The following SMPD4 variants were observed in gnomAD, a reference collection of about 807,000 sequenced individuals.
SMPD4 encodes neutral sphingomyelinase 3.
In SMPD4, 58 loss-of-function variants were observed where a neutral mutation model predicts 97.8. The observed-to-expected ratio is 0.59, with a 90% CI of 0.48 to 0.74. SMPD4 has a LOEUF of 0.74. SMPD4 is among the 30% of genes least tolerant of loss of function. The pLI, the probability that SMPD4 is intolerant of heterozygous loss-of-function variation, is 0.00. For missense variants in SMPD4, 853 were observed against 1,080.5 expected (o/e 0.79, Z 2.95); for synonymous variants, 388 against 450.0 (o/e 0.86, Z 1.74).
At chr2:130,181,630 G>C, upstream of SMPD4, 1 of 1,572,958 alleles carries the variant, frequency 6.4e-7, no homozygotes, top group African/African-American at 1.3e-5. Flanking sequence ...ACGCCCCGCG[G>C]CCGGGCGGGA....
At chr2:130,171,147 T>TG (rs1688426196) in intron 8 of SMPD4, among the ~76,000 whole-genome samples, 1 of 134,436 alleles carries the variant, frequency 7.4e-6, no homozygotes, top group Non-Finnish European at 1.6e-5. Context: ...TTTTTTTTTT[T>TG]GTGTGTGTGT....
At position 130,154,707 on chromosome 2, in the gene SMPD4, G is replaced by A. The variant is rs950751980; in HGVS notation, c.1454-225C>T. Reference sequence around the variant, plus strand: ...GAGCCCCTAGCAGTGTCTGCAGGAGGTAAACAACAGGAGGATCGACAGAAA... The same window carrying A: ...GAGCCCCTAGCAGTGTCTGCAGGAGATAAACAACAGGAGGATCGACAGAAA... On this transcript the variant is annotated intron_variant, in intron 15 of 19. Coordinates refer to ENST00000680298, the MANE Select transcript of SMPD4 (RefSeq NM_017951.5). 1.5e-5 allele frequency: 9 copies of A among 604,158 alleles called. No individual in the cohort carries two copies. In the Admixed American group the frequency reaches 1.9e-4, roughly 13 times the overall value. 37.4% of individuals were successfully genotyped at this position (604,158 alleles called of 1,614,324 possible). A position where few individuals can be genotyped will look rare whatever the true frequency, so the allele number is the denominator to read the frequency against.
Position 130,152,980 on chromosome 2 carries a change from C to T in SMPD4, c.2154+63G>A, listed in dbSNP as rs376833804. On this transcript the variant is annotated intron_variant, in intron 19 of 19. Transcript: ENST00000680298. ...CCTCACAGGCCACCCCAGGACTGCA[C>T]CCCAGGCAGGAGCATCTAGAACCCT... 6.2e-5 allele frequency: 98 copies of T among 1,569,366 alleles called. 1 individual carries two copies. The East Asian group carries it at 7.2e-4, about 12-fold the overall frequency.
chr2:130,178,202 T>C (rs1277063065), intron 1 of SMPD4, among the ~76,000 whole-genome samples: 1 of 152,140 alleles, frequency 6.6e-6, no homozygotes, highest in Admixed American at 6.5e-5. Flanking sequence ...AATAAATGGA[T>C]GCCGGTTTAA....
At chr2:130,170,151 G>C (rs1052136671) in intron 8 of SMPD4, among the ~76,000 whole-genome samples, 1 of 152,138 alleles carries the variant, frequency 6.6e-6, no homozygotes, top group African/African-American at 2.4e-5. Flanking sequence ...TTATGACACT[G>C]CACTCCAGCC....
At position 130,161,401 on chromosome 2, in the gene SMPD4, C is replaced by T. The variant is rs574117206; in HGVS notation, c.865-129G>A. 1.8e-5 allele frequency: 13 copies of T among 726,900 alleles called. No homozygotes were observed. The South Asian group carries it at 1.8e-4, about 10-fold the overall frequency. 45.0% of individuals were successfully genotyped at this position (726,900 alleles called of 1,614,324 possible). A position where few individuals can be genotyped will look rare whatever the true frequency, so the allele number is the denominator to read the frequency against. On this transcript the variant is annotated intron_variant, in intron 10 of 19. Transcript: ENST00000680298. ...GGAGAGAGAAAGAAAGCAATGAGAACGAGCCCAGGAGTGAGGAGAAAAAAA... is the reference window on the plus strand; with the variant it reads ...GGAGAGAGAAAGAAAGCAATGAGAATGAGCCCAGGAGTGAGGAGAAAAAAA...
intron 8 of SMPD4, among the ~76,000 whole-genome samples, chr2:130,172,001 C>G (rs746466368): frequency 6.6e-6 from 1 of 152,196 alleles, no homozygotes; most frequent in Non-Finnish European, 1.5e-5. Context: ...CATAGAGATT[C>G]CTATTTTTTT....
At chr2:130,160,547 C>T (rs1257938121) in intron 11 of SMPD4, among the ~76,000 whole-genome samples, 14 of 152,232 alleles carry the variant, frequency 9.2e-5, no homozygotes, top group African/African-American at 3.4e-4. Context: ...TCTATGAGGT[C>T]ACCACCCACT....
At chr2:130,155,070 C>T (rs370871926) in intron 15 of SMPD4, 26 bp downstream of exon 15, 25 of 1,612,706 alleles carry the variant, frequency 1.6e-5, no homozygotes, top group African/African-American at 5.3e-5. Context: ...TGACGTATAC[C>T]GGGCTGGCCC....
chr2:130,152,949 CCCCACCCTCACAG>C, intron 19 of SMPD4, 65 bp from the exon 20 acceptor site: 1 of 1,554,532 alleles, frequency 6.4e-7, no homozygotes, highest in Non-Finnish European at 8.7e-7. Flanking sequence ...GACAGCAGTA[CCCCACCCTCACAG>C]GCCACCCCAG....
chr2:130,178,172 T>C lies in SMPD4; in HGVS notation c.-45-1535A>G, dbSNP rs1476950300. On this transcript the variant is annotated intron_variant, in intron 1 of 19. Coordinates refer to ENST00000680298, the MANE Select transcript of SMPD4 (RefSeq NM_017951.5). ...TTTAATCTTGTAATGCCTGGACTTCTGCATACATAACTATGAGATAATAAA... is the reference window on the plus strand; with the variant it reads ...TTTAATCTTGTAATGCCTGGACTTCCGCATACATAACTATGAGATAATAAA... 1.1e-4 allele frequency among the ~76,000 whole-genome samples: 12 copies of C among 110,434 alleles called. No individual in the cohort carries two copies. In the South Asian group the frequency reaches 3.2e-3, roughly 30 times the overall value. The allele number at this position is 110,434 out of a possible 152,430, so 72.4% of individuals were successfully genotyped here. A position where few individuals can be genotyped will look rare whatever the true frequency, so the allele number is the denominator to read the frequency against.
rs1270655048 is a variant in SMPD4 at position 130,172,375 on chromosome 2, C to T, written c.633G>A (p.Gly211=). ...TGGGAGGTGGTGAGGGGCTGGTCCC[C>T]CCTGGGCTGGAGGAGAGTGGTGGGG... ...SVPPPLSSSP[G]GTSPSPPPRT... Residue 211 remains glycine (G), a synonymous_variant, in exon 8 of 20, where the codon GGG becomes GGA. Transcript: ENST00000680298. 1.2e-6 allele frequency: 2 copies of T among 1,605,854 alleles called. No individual in the cohort carries two copies. The highest frequency in any genetic ancestry group is 2.2e-5 in the East Asian group (1 of 44,808).
rs759845754 is a variant in SMPD4 at position 130,173,496 on chromosome 2, G to A, written c.269+18C>T. The A allele has an allele frequency of 1.7e-5, 27 of 1,590,542 alleles. No homozygotes were observed. Among genetic ancestry groups the A allele is most frequent in the African/African-American group, 5.4e-5 (4 of 74,470 alleles). On this transcript the variant is annotated intron_variant, in intron 4 of 19. Transcript: ENST00000680298. ...ATGAGGAATCACCCAGCCTCTCTCC[G>A]GTGACCAACCTACCTACCCAGGGTC...
At chr2:130,156,869 A>C in intron 12 of SMPD4, 194 bp from the exon 13 acceptor site, 1 of 1,482,750 alleles carries the variant, frequency 6.7e-7, no homozygotes. Flanking sequence ...AAGGACACAC[A>C]GCACGCAGGC....
chr2:130,179,827 G>C, intron 1 of SMPD4, among the ~76,000 whole-genome samples: 1 of 151,058 alleles, frequency 6.6e-6, no homozygotes, highest in Non-Finnish European at 1.5e-5. Flanking sequence ...GTTAATTTTT[G>C]TATTTTTAGT....
At chr2:130,161,362 C>G in intron 10 of SMPD4, 90 bp from the exon 11 acceptor site, 1 of 984,316 alleles carries the variant, frequency 1.0e-6, no homozygotes, top group Non-Finnish European at 1.6e-6. Flanking sequence ...GGACCAGACA[C>G]GGGAGGGGGA....
intron 1 of SMPD4, among the ~76,000 whole-genome samples, chr2:130,178,369 G>A (rs1689168206): frequency 6.6e-6 from 1 of 152,170 alleles, no homozygotes; most frequent in Non-Finnish European, 1.5e-5. Flanking sequence ...GCAGAACCAA[G>A]ATTCCAATAC....
chr2:130,173,478 A>C (rs1688670307), intron 4 of SMPD4, 36 bp downstream of exon 4: 12 of 1,586,924 alleles, frequency 7.6e-6, no homozygotes, highest in Non-Finnish European at 1.0e-5. Context: ...ACCATGAGGA[A>C]TCACCCAGCC....
In SMPD4 at chr2:130,152,840, G is replaced by A. The variant is rs367710901; in HGVS notation, c.2199C>T (p.Leu733=). The change falls in exon 20 of 20, where the codon CTC becomes CTT. Residue 733 remains leucine (L), a synonymous_variant. Coordinates refer to ENST00000680298, the MANE Select transcript of SMPD4 (RefSeq NM_017951.5). ...MAALCSRDDF[L]GSFCRYHLTE... is the part of the protein sequence containing the mutation. ...TGAGGTGGTAGCGACAGAAGCTGCCGAGGAAGTCATCCCGGGAACACAGAG... is the reference window on the plus strand; with the variant it reads ...TGAGGTGGTAGCGACAGAAGCTGCCAAGGAAGTCATCCCGGGAACACAGAG... 41 of 1,596,190 alleles carry A rather than the reference G, an allele frequency of 2.6e-5. No homozygotes were observed. The highest frequency in any genetic ancestry group is 8.0e-5 in the African/African-American group (6 of 74,574).
Sources: allele counts gnomAD v4.1 joint callset (sites outside exome capture counted in the v4.1 genomes callset), GRCh38; gene constraint gnomAD v4.1.1; transcripts MANE v1.5; gene names NCBI Gene and HGNC (gene_info 2026-07-23, HGNC 2026-07-21).